The following MAPKBP1 variants were observed in gnomAD, a reference collection of about 807,000 sequenced individuals.
The protein encoded by MAPKBP1 is mitogen-activated protein kinase-binding protein 1.
Under a neutral mutation model 170.5 loss-of-function variants are expected in MAPKBP1, and 71 were observed. The observed-to-expected ratio is 0.42, with a 90% CI of 0.34 to 0.51. The LOEUF (loss-of-function observed/expected upper bound fraction) is 0.51. Among genes scored for constraint, MAPKBP1 ranks in the 20% least tolerant of loss-of-function variants. The pLI, the probability that MAPKBP1 is intolerant of heterozygous loss-of-function variation, is 0.06. For synonymous variants in MAPKBP1, 719 were observed against 757.9 expected, an observed-to-expected ratio of 0.95 and a Z score of 0.84; for missense variants, 1,598 against 1,933.0, an observed-to-expected ratio of 0.83 and a Z score of 3.25.
chr15:41,788,310 A>T (rs562337600), intron 2 of MAPKBP1, among the ~76,000 whole-genome samples: 7 of 152,282 alleles, frequency 4.6e-5, no homozygotes, highest in Admixed American at 4.6e-4. Flanking sequence ...TGATTCAACA[A>T]ATATATATTA....
rs2064934087 is a variant in MAPKBP1 at position 41,818,704 on chromosome 15, G to A, written c.2157-119G>A. 2 of 1,520,304 alleles carry A rather than the reference G, an allele frequency of 1.3e-6. No homozygotes were observed. Among genetic ancestry groups the A allele is most frequent in the Non-Finnish European group, 9.0e-7 (1 of 1,115,362 alleles). 94.2% of individuals were successfully genotyped at this position (1,520,304 alleles called of 1,614,324 possible). A position where few individuals can be genotyped will look rare whatever the true frequency, so the allele number is the denominator to read the frequency against. Reference sequence around the variant, plus strand: ...GGGTTAACAGGGATAGCTTTTGGCTGTGCTTGACCTGAAGTGGAGGGTGGC... The same window carrying A: ...GGGTTAACAGGGATAGCTTTTGGCTATGCTTGACCTGAAGTGGAGGGTGGC... On this transcript the variant is annotated intron_variant, in intron 19 of 30. Coordinates refer to ENST00000457542, the MANE Select transcript of MAPKBP1 (RefSeq NM_014994.3). This position sits in a 1 kb window ranked among gnomAD's most constrained non-coding sequence, Gnocchi z 5.2.
chr15:41,778,031 T>C (rs1345709099), intron 2 of MAPKBP1, among the ~76,000 whole-genome samples: 2 of 152,242 alleles, frequency 1.3e-5, no homozygotes, highest in Admixed American at 1.3e-4. Flanking sequence ...CACAGGGCTT[T>C]CTGTGACTAG....
chr15:41,824,109 C>G (rs778255690), intron 29 of MAPKBP1, 48 bp downstream of exon 29: 2 of 1,543,546 alleles, frequency 1.3e-6, no homozygotes, highest in Admixed American at 3.7e-5. Context: ...CCTTACTCTC[C>G]CCTCTCTGTT....
chr15:41,821,778 G>GT, intron 24 of MAPKBP1, 28 bp downstream of exon 24: 2 of 1,612,038 alleles, frequency 1.2e-6, no homozygotes, highest in Non-Finnish European at 1.7e-6. Flanking sequence ...GCCAGACCCC[G>GT]TGCCCCCGTC....
At position 41,823,075 on chromosome 15, in the gene MAPKBP1, A is replaced by G. The variant is rs1169089417; in HGVS notation, c.3451A>G (p.Asn1151Asp). 1 of 1,613,582 alleles carries G rather than the reference A, an allele frequency of 6.2e-7. No individual in the cohort carries two copies. Among genetic ancestry groups the G allele is most frequent in the East Asian group, 2.2e-5 (1 of 44,796 alleles). The change falls in exon 28 of 31, where the codon AAC (asparagine) becomes GAC (aspartate). Residue 1151 changes from asparagine to aspartate, a missense_variant. By Grantham distance (23) the Asn-to-Asp change is conservative. Coordinates refer to ENST00000457542, the MANE Select transcript of MAPKBP1 (RefSeq NM_014994.3). Reference sequence around the variant, plus strand: ...CCCGGAGGTGGAACCGTCCTCTGGCAACCCCAGCCCCCAGCAGGCAGCCTC... The same window carrying G: ...CCCGGAGGTGGAACCGTCCTCTGGCGACCCCAGCCCCCAGCAGGCAGCCTC... Reference protein sequence around the residue: ...APPEVEPSSGNPSPQQAASVL... With the variant: ...APPEVEPSSGDPSPQQAASVL...
At position 41,816,891 on chromosome 15, in the gene MAPKBP1, G is replaced by T; in HGVS notation, c.1586-19G>T. 6.3e-7 allele frequency: 1 copy of T among 1,593,178 alleles called. No homozygotes were observed. The highest frequency in any genetic ancestry group is 8.6e-7 in the Non-Finnish European group (1 of 1,168,046). On this transcript the variant is annotated intron_variant, in intron 13 of 30. Transcript: ENST00000457542. ...CTGTTCAGGGCACTCATGGGCTGAT[G>T]GAGTTCTTTCATCCCCAGGTCTGAA...
At chr15:41,790,490 T>A (rs910830266) in intron 2 of MAPKBP1, among the ~76,000 whole-genome samples, 2 of 152,194 alleles carry the variant, frequency 1.3e-5, no homozygotes, top group African/African-American at 4.8e-5. Context: ...AGTCTTCTTG[T>A]CCCCAGGGGC....
chr15:41,823,249 A>G, intron 28 of MAPKBP1, 27 bp downstream of exon 28: 1 of 1,604,048 alleles, frequency 6.2e-7, no homozygotes. Flanking sequence ...GTTCAGTGCC[A>G]GGGTGCAGGG....
At position 41,825,486 on chromosome 15, in the gene MAPKBP1, G is replaced by A. The variant is rs569924148; in HGVS notation, c.*50G>A. The A allele has an allele frequency of 6.7e-7, 1 of 1,485,088 alleles. No individual in the cohort carries two copies. The highest frequency in any genetic ancestry group is 2.0e-5 in the Admixed American group (1 of 49,392). 92.0% of individuals were successfully genotyped at this position (1,485,088 alleles called of 1,614,324 possible). On this transcript the variant is annotated 3_prime_UTR_variant, in exon 31 of 31. Coordinates refer to ENST00000457542, the MANE Select transcript of MAPKBP1 (RefSeq NM_014994.3). ...ATGAATGCTCCAGCGATTCCAAACT[G>A]CAGCCCCTCTGCCCCTCACCAAAAC...
chr15:41,790,821 T>C (rs2064383454), intron 2 of MAPKBP1, among the ~76,000 whole-genome samples: 1 of 152,168 alleles, frequency 6.6e-6, no homozygotes, highest in Non-Finnish European at 1.5e-5. Flanking sequence ...CTTTGAACTT[T>C]GAAGCAACAG....
chr15:41,813,136 C>A, intron 8 of MAPKBP1, 35 bp downstream of exon 8: 3 of 1,575,462 alleles, frequency 1.9e-6, no homozygotes, highest in South Asian at 2.4e-5. Context: ...AGGGTCTGCT[C>A]ATGTCTCAGC....
chr15:41,801,864 C>CACCACCAA (rs2152074737), intron 3 of MAPKBP1, among the ~76,000 whole-genome samples: 1 of 152,014 alleles, frequency 6.6e-6, no homozygotes, highest in Non-Finnish European at 1.5e-5. Flanking sequence ...AAAAACAAGC[C>CACCACCAA]ACCACCAAAA....
rs137952757 is a variant in MAPKBP1 at position 41,820,875 on chromosome 15, A to G, written c.2525A>G (p.Asn842Ser). ...TTCCTGGACCCAGCTCCTGCAGCCAACCCAGGACCCAGAAGAAGAGGGCGC... is the reference window on the plus strand; with the variant it reads ...TTCCTGGACCCAGCTCCTGCAGCCAGCCCAGGACCCAGAAGAAGAGGGCGC... ...VGFLDPAPAANPGPRRRGRWV... is the reference protein window; with the variant it reads ...VGFLDPAPAASPGPRRRGRWV... Residue 842 changes from asparagine to serine, a missense_variant, in exon 23 of 31, where the codon AAC becomes AGC. By Grantham distance (46) the Asn-to-Ser change is conservative. This residue lies in a region of MAPKBP1 where 942 missense variants were observed against 953.2 expected (regional missense o/e 0.99). Coordinates refer to ENST00000457542, the MANE Select transcript of MAPKBP1 (RefSeq NM_014994.3). 3 of 1,613,956 alleles carry G rather than the reference A, an allele frequency of 1.9e-6. No homozygotes were observed. Among genetic ancestry groups the G allele is most frequent in the Non-Finnish European group, 1.7e-6 (2 of 1,179,982 alleles).
chr15:41,793,534 A>G (rs939305861), intron 2 of MAPKBP1, among the ~76,000 whole-genome samples: 4 of 152,376 alleles, frequency 2.6e-5, no homozygotes, highest in Admixed American at 2.6e-4. Context: ...GTTATTTCTA[A>G]ATGATTTAGT....
Position 41,820,946 on chromosome 15 carries a change from C to T in MAPKBP1, c.2596C>T (p.Leu866=), listed in dbSNP as rs748312783. ...ACTGAGCGTTAGATCCATGCTGGAT[C>T]TGCGGCAGCTGGAAACACTGGCCCC... ...VELSVRSMLD[L]RQLETLAPSL... is the part of the protein sequence containing the mutation. Residue 866 remains leucine, a synonymous_variant, in exon 23 of 31, where the codon CTG becomes TTG. Transcript: ENST00000457542. 3.7e-6 allele frequency: 6 copies of T among 1,614,206 alleles called. No individual in the cohort carries two copies. In the Admixed American group the frequency reaches 1.0e-4, roughly 27 times the overall value.
At chr15:41,824,190 C>A in intron 29 of MAPKBP1, 129 bp downstream of exon 29, 1 of 1,301,808 alleles carries the variant, frequency 7.7e-7, no homozygotes, top group South Asian at 1.4e-5. Flanking sequence ...CTGCTCCTGT[C>A]GCAGGTCCGT....
intron 2 of MAPKBP1, among the ~76,000 whole-genome samples, chr15:41,790,542 G>A (rs2064378032): frequency 6.6e-6 from 1 of 152,198 alleles, no homozygotes; most frequent in Non-Finnish European, 1.5e-5. Flanking sequence ...CCAAGCAGTG[G>A]CAAATGCACC....
chr15:41,814,509 T>G (rs1256649229), intron 9 of MAPKBP1, 41 bp from the exon 10 acceptor site: 1 of 1,580,752 alleles, frequency 6.3e-7, no homozygotes, highest in Admixed American at 1.8e-5. Context: ...CTCTTTTCAT[T>G]CCCTTCAGTC....
At chr15:41,802,298 C>T (rs1189581032) in intron 3 of MAPKBP1, among the ~76,000 whole-genome samples, 2 of 152,126 alleles carry the variant, frequency 1.3e-5, no homozygotes, top group African/African-American at 4.8e-5. Flanking sequence ...GTACACTTTA[C>T]AAACACTGTA....
Sources: gnomAD v4.1 joint callset for allele counts (sites outside exome capture counted in the v4.1 genomes callset) on GRCh38, gnomAD v4.1.1 for gene constraint, gnomAD v4.1.1 regional missense constraint, Gnocchi (gnomAD v3.1) non-coding constraint, MANE v1.5 for transcripts, NCBI Gene and HGNC (gene_info 2026-07-23, HGNC 2026-07-21) for gene names.